The following ARID1B variants were observed in gnomAD, a reference collection of about 807,000 sequenced individuals.
ARID1B encodes AT-rich interactive domain-containing protein 1B.
Under a neutral mutation model 212.3 loss-of-function variants are expected in ARID1B, and 30 were observed. The observed-to-expected ratio is 0.14, with a 90% CI of 0.11 to 0.19. The LOEUF (loss-of-function observed/expected upper bound fraction) is 0.19, where lower values mean the gene tolerates loss of function less well. ARID1B is among the 10% of genes least tolerant of loss of function. The probability of loss-of-function intolerance (pLI) is 1.00; values close to 1 mark genes in which losing one functional copy is unlikely to be tolerated. For synonymous variants in ARID1B, 1,402 were observed against 1,301.7 expected, an observed-to-expected ratio of 1.08 and a Z score of -1.66; for missense variants, 2,891 against 3,204.0, an observed-to-expected ratio of 0.90 and a Z score of 2.36.
chr6:156,793,238 G>A (rs1017458361), intron 1 of ARID1B, among the ~76,000 whole-genome samples: 1 of 152,178 alleles, frequency 6.6e-6, no homozygotes, highest in Non-Finnish European at 1.5e-5. Context: ...ATGGCCAAGT[G>A]GAGAGTGGTC....
At chr6:156,829,691 C>T (rs1783008576) in intron 2 of ARID1B, 1 of 337,240 alleles carries the variant, frequency 3.0e-6, no homozygotes. Context: ...AAATTTGCAG[C>T]AGGTTATAAC....
intron 4 of ARID1B, among the ~76,000 whole-genome samples, chr6:157,039,682 C>CTTTCTTTCTTTCT (rs1781649357): frequency 1.3e-5 from 1 of 75,490 alleles, no homozygotes; most frequent in African/African-American, 4.8e-5. Flanking sequence ...TCCTTCCTTC[C>CTTTCTTTCTTTCT]TTCCTTCCTT....
intron 4 of ARID1B, among the ~76,000 whole-genome samples, chr6:157,009,609 T>C (rs961474149): frequency 2.0e-5 from 3 of 152,244 alleles, no homozygotes; most frequent in Non-Finnish European, 4.4e-5. Context: ...CACATACTCT[T>C]GTGAATGTCA....
At chr6:156,986,438 C>G (rs80180218) in intron 4 of ARID1B, among the ~76,000 whole-genome samples, 1 of 152,166 alleles carries the variant, frequency 6.6e-6, no homozygotes, top group Non-Finnish European at 1.5e-5. Context: ...AAGCCTGAAC[C>G]CCCTGCACGG....
intron 1 of ARID1B, among the ~76,000 whole-genome samples, chr6:156,816,243 G>A (rs1781954377): frequency 6.6e-6 from 1 of 152,196 alleles, no homozygotes; most frequent in African/African-American, 2.4e-5. Context: ...TTTATTAAAT[G>A]CCTGTTATAA....
intron 4 of ARID1B, among the ~76,000 whole-genome samples, chr6:156,970,017 G>A (rs943873628): frequency 1.3e-5 from 2 of 150,496 alleles, no homozygotes; most frequent in African/African-American, 4.9e-5. Context: ...TGTAGAATTT[G>A]TATTTAATTA....
Position 156,916,772 on chromosome 6 carries a change from T to C in ARID1B, c.2136+15247T>C, listed in dbSNP as rs1475834630. On this transcript the variant is annotated intron_variant, in intron 3 of 19. Coordinates refer to ENST00000636930, the MANE Select transcript of ARID1B (RefSeq NM_001374828.1). ...TCGTTTTCCTTTTACCTCTGACTCC[T>C]GTTCTGCTTCAGACTTACTCTCCTA... Among the ~76,000 whole-genome samples, 93 of 152,260 alleles carry C rather than the reference T, an allele frequency of 6.1e-4. 1 individual carries two copies. Among genetic ancestry groups the C allele is most frequent in the East Asian group, 3.9e-4 (2 of 5,170 alleles).
intron 5 of ARID1B, among the ~76,000 whole-genome samples, chr6:157,098,502 G>T (rs1178635930): frequency 6.6e-6 from 1 of 152,218 alleles, no homozygotes; most frequent in Non-Finnish European, 1.5e-5. Flanking sequence ...TGATGAGAAT[G>T]CCAGATTTTC....
At chr6:157,158,860 A>T (rs1790736693) in intron 8 of ARID1B, among the ~76,000 whole-genome samples, 1 of 152,102 alleles carries the variant, frequency 6.6e-6, no homozygotes, top group African/African-American at 2.4e-5. Flanking sequence ...TTAAGTAAAG[A>T]TCCTTAAGTA....
At chr6:156,811,967 T>A (rs909340060) in intron 1 of ARID1B, among the ~76,000 whole-genome samples, 2 of 152,258 alleles carry the variant, frequency 1.3e-5, no homozygotes, top group Non-Finnish European at 2.9e-5. Flanking sequence ...TAGGAGATGA[T>A]TTCCTTCAAC....
chr6:156,945,233 CTTTTTTTTTTTTTTTTTTTTTTT>C (rs1164805779), intron 4 of ARID1B, among the ~76,000 whole-genome samples: 4 of 32,646 alleles, frequency 1.2e-4, no homozygotes, highest in Admixed American at 1.1e-3. Context: ...CCGCATCCGG[CTTTTTTTTTTTTTTTTTTTTTTT>C]TTTTTTTTTT....
chr6:157,057,636 CT>C (rs1470342006), intron 4 of ARID1B, among the ~76,000 whole-genome samples: 1 of 152,128 alleles, frequency 6.6e-6, no homozygotes, highest in African/African-American at 2.4e-5. Flanking sequence ...TTCAGAATTA[CT>C]TTAGAGAAAA....
chr6:156,784,327 C>T (rs1779487145), intron 1 of ARID1B, among the ~76,000 whole-genome samples: 1 of 152,118 alleles, frequency 6.6e-6, no homozygotes, highest in African/African-American at 2.4e-5. Flanking sequence ...AAAACTGTTC[C>T]TCTACCAAGA....
At chr6:156,997,688 C>A (rs539696353) in intron 4 of ARID1B, among the ~76,000 whole-genome samples, 1 of 150,210 alleles carries the variant, frequency 6.7e-6, no homozygotes, top group African/African-American at 2.5e-5. Context: ...GTTATTTCCA[C>A]CATACCATAC....
At chr6:156,816,035 G>C (rs150201612) in intron 1 of ARID1B, among the ~76,000 whole-genome samples, 6 of 152,000 alleles carry the variant, frequency 3.9e-5, no homozygotes, top group Non-Finnish European at 7.4e-5. Flanking sequence ...AATGGTGTGC[G>C]CTTTATACAC....
chr6:156,930,226 G>T (rs1433580057), intron 3 of ARID1B, among the ~76,000 whole-genome samples: 6 of 152,184 alleles, frequency 3.9e-5, no homozygotes. Flanking sequence ...CTTGAATAAG[G>T]TTTCAGACCA....
chr6:157,014,161 G>C (rs555328551), intron 4 of ARID1B, among the ~76,000 whole-genome samples: 1 of 152,226 alleles, frequency 6.6e-6, no homozygotes, highest in Non-Finnish European at 1.5e-5. Flanking sequence ...AATGACTAAG[G>C]CTTGGCCAGC....
intron 4 of ARID1B, among the ~76,000 whole-genome samples, chr6:156,959,648 T>G (rs2128319609): frequency 6.6e-6 from 1 of 152,320 alleles, no homozygotes; most frequent in Admixed American, 6.5e-5. Flanking sequence ...TTATGAGAAG[T>G]CTTCAGAAAC....
intron 6 of ARID1B, among the ~76,000 whole-genome samples, chr6:157,129,584 C>A (rs915789604): frequency 1.3e-5 from 2 of 152,188 alleles, no homozygotes; most frequent in Non-Finnish European, 2.9e-5. Context: ...AGATTCCACA[C>A]CCAGTTGAAC....
Sources: gnomAD v4.1 joint callset for allele counts (sites outside exome capture counted in the v4.1 genomes callset) on GRCh38, gnomAD v4.1.1 for gene constraint, MANE v1.5 for transcripts, NCBI Gene and HGNC (gene_info 2026-07-23, HGNC 2026-07-21) for gene names.